JADE1: variants seen among roughly 807,000 people sequenced by gnomAD.
The protein encoded by JADE1 is protein Jade-1.
JADE1 carries 14 observed loss-of-function variants against 81.8 expected under a neutral mutation model. The ratio of observed to expected loss-of-function variants is 0.17; its 90% CI spans 0.11 to 0.27. The LOEUF is 0.27. JADE1 is among the 10% of genes least tolerant of loss of function. The pLI, the probability that JADE1 is intolerant of heterozygous loss-of-function variation, is 1.00. For missense variants in JADE1, 690 were observed against 1,047.9 expected (o/e 0.66, Z 4.71); for synonymous variants, 353 against 391.9 (o/e 0.90, Z 1.17).
Position 128,838,482 on chromosome 4 carries a change from G to A in JADE1, c.53-4471G>A, listed in dbSNP as rs187540552. Among the ~76,000 whole-genome samples the A allele has an allele frequency of 5.5e-4, 83 of 152,258 alleles. No homozygotes were observed. In the East Asian group the frequency reaches 9.3e-3, roughly 17 times the overall value. On this transcript the variant is annotated intron_variant, in intron 2 of 10. Transcript: ENST00000226319. ...TAAAACAAAATTTTACTCGTCATGT[G>A]CTTAAATTAGTTTGTCATTAAATAT...
chr4:128,831,400 T>G, intron 1 of JADE1: 1 of 297,560 alleles, frequency 3.4e-6, no homozygotes, highest in Non-Finnish European at 6.5e-6. Flanking sequence ...TTCATTGCTG[T>G]GGATTTTTTT....
chr4:128,843,041 A>G lies in JADE1; in HGVS notation c.138+3A>G, dbSNP rs775631967. The G allele has an allele frequency of 1.2e-6, 2 of 1,611,802 alleles. No homozygotes were observed. Among genetic ancestry groups the G allele is most frequent in the South Asian group, 2.2e-5 (2 of 91,026 alleles). The stretch of plus-strand genomic sequence containing the variant: ...ATGAAGATCGAAAGCCTTCAGAGGT[A>G]CTTCTTGAATGCTTGCCTGACCGTG... On this transcript the variant is annotated splice_donor_region_variant and intron_variant, in intron 3 of 10. Transcript: ENST00000226319.
chr4:128,868,589 C>T (rs1318532363), intron 10 of JADE1, among the ~76,000 whole-genome samples: 1 of 152,188 alleles, frequency 6.6e-6, no homozygotes, highest in East Asian at 1.9e-4. Context: ...ACTTCCTCTA[C>T]TCTGGACAAC....
rs956301877 is a variant in JADE1 at position 128,850,999 on chromosome 4, C to T, written c.485-1058C>T. ...ATGCTGGAGTGCAGGGGTGCAATCT[C>T]GGCTGACTGCAACCTCTACCTCCTG... On this transcript the variant is annotated intron_variant, in intron 5 of 10. Coordinates refer to ENST00000226319, the MANE Select transcript of JADE1 (RefSeq NM_199320.4). Among the ~76,000 whole-genome samples the T allele has an allele frequency of 1.2e-4, 19 of 152,108 alleles. No individual in the cohort carries two copies. In the East Asian group the frequency reaches 1.9e-3, roughly 15 times the overall value.
intron 1 of JADE1, among the ~76,000 whole-genome samples, chr4:128,813,040 C>T (rs1726623831): frequency 6.6e-6 from 1 of 152,230 alleles, no homozygotes; most frequent in Admixed American, 6.5e-5. Flanking sequence ...CTACTTGTAG[C>T]TCAAGGCTAA....
At chr4:128,869,067 A>G (rs1286345813) in intron 10 of JADE1, among the ~76,000 whole-genome samples, 2 of 152,212 alleles carry the variant, frequency 1.3e-5, no homozygotes, top group Admixed American at 6.5e-5. Context: ...CTAACCAATT[A>G]TGTGCGACTA....
intron 2 of JADE1, among the ~76,000 whole-genome samples, chr4:128,834,682 C>T (rs55829553): frequency 0.47 from 71,744 of 151,424 alleles, 20,327 homozygotes; most frequent in South Asian, 0.62. Context: ...TACAGGTGTC[C>T]GCCACTGCAC....
At chr4:128,855,556 A>G in intron 6 of JADE1, 74 bp from the exon 7 acceptor site, 4 of 1,384,048 alleles carry the variant, frequency 2.9e-6, no homozygotes, top group Non-Finnish European at 3.9e-6. Flanking sequence ...AGTGTTTAAA[A>G]TGAATAGATA....
At chr4:128,851,211 C>T (rs1010484195) in intron 5 of JADE1, among the ~76,000 whole-genome samples, 10 of 152,294 alleles carry the variant, frequency 6.6e-5, no homozygotes, top group African/African-American at 9.6e-5. Context: ...TGAGCCATCG[C>T]GCCTGGTGTT....
At chr4:128,817,891 T>C (rs1274935840) in intron 1 of JADE1, among the ~76,000 whole-genome samples, 1 of 152,222 alleles carries the variant, frequency 6.6e-6, no homozygotes, top group Non-Finnish European at 1.5e-5. Flanking sequence ...ACTGTTACCA[T>C]GTATTGTAGT....
At chr4:128,868,466 T>C (rs1731946762) in intron 10 of JADE1, among the ~76,000 whole-genome samples, 1 of 152,220 alleles carries the variant, frequency 6.6e-6, no homozygotes, top group African/African-American at 2.4e-5. Flanking sequence ...AGATTTTTTT[T>C]GTGTAGATGG....
Position 128,873,273 on chromosome 4 carries a change from G to GAAAAAAAAAAAAAAAAAAAA in JADE1, c.*1018_*1019insAAAAAAAAAAAAAAAAAAAA, listed in dbSNP as rs1553953485. 9 of 78,674 alleles carry GAAAAAAAAAAAAAAAAAAAA rather than the reference G, an allele frequency of 1.1e-4. No individual in the cohort carries two copies. Among genetic ancestry groups the GAAAAAAAAAAAAAAAAAAAA allele is most frequent in the South Asian group, 4.4e-4 (1 of 2,298 alleles). The allele number at this position is 78,674 out of a possible 1,614,324, so 4.9% of individuals were successfully genotyped here. A position where few individuals can be genotyped will look rare whatever the true frequency, so the allele number is the denominator to read the frequency against. The stretch of plus-strand genomic sequence containing the variant: ...AGAAAAAGGAAAAAAAAAAAAAAAA[G>GAAAAAAAAAAAAAAAAAAAA]AAAAAAAGAAAAAAAAAAGAAAAAA... On this transcript the variant is annotated 3_prime_UTR_variant, in exon 11 of 11. Transcript: ENST00000226319.
At chr4:128,845,462 G>A (rs935945487) in intron 3 of JADE1, among the ~76,000 whole-genome samples, 5 of 152,170 alleles carry the variant, frequency 3.3e-5, no homozygotes, top group Admixed American at 1.3e-4. Flanking sequence ...GTGAAGGTGT[G>A]CAAACATGTT....
chr4:128,855,928 T>C (rs1730757601), intron 7 of JADE1, 131 bp downstream of exon 7: 1 of 668,594 alleles, frequency 1.5e-6, no homozygotes, highest in South Asian at 2.9e-5. Context: ...CAAGTGATCC[T>C]CCCACCTCAG....
At chr4:128,859,308 G>A (rs1030362680) in intron 8 of JADE1, among the ~76,000 whole-genome samples, 2 of 151,910 alleles carry the variant, frequency 1.3e-5, no homozygotes, top group Non-Finnish European at 2.9e-5. Context: ...GTATGCATGT[G>A]TATTTGGTTA....
intron 1 of JADE1, chr4:128,810,463 T>C (rs890632169): frequency 6.6e-6 from 1 of 150,488 alleles, no homozygotes; most frequent in South Asian, 2.1e-4. Context: ...TTTTTTTTTT[T>C]TTTTTTTTTT....
chr4:128,824,547 AG>A (rs1339281471), intron 1 of JADE1, among the ~76,000 whole-genome samples: 1 of 152,234 alleles, frequency 6.6e-6, no homozygotes, highest in African/African-American at 2.4e-5. Context: ...ACAGAATGGA[AG>A]GGCATCAATA....
At chr4:128,810,995 C>T (rs761419145) in intron 1 of JADE1, among the ~76,000 whole-genome samples, 1 of 152,136 alleles carries the variant, frequency 6.6e-6, no homozygotes, top group Non-Finnish European at 1.5e-5. Context: ...CTTAAATGAA[C>T]GTGTAGTGTG....
At chr4:128,860,470 G>C (rs1019297569) in intron 8 of JADE1, among the ~76,000 whole-genome samples, 4 of 152,192 alleles carry the variant, frequency 2.6e-5, no homozygotes, top group African/African-American at 9.6e-5. Flanking sequence ...CATCCTTGGT[G>C]ATGTGATTCA....
Sources: allele counts gnomAD v4.1 joint callset (sites outside exome capture counted in the v4.1 genomes callset), GRCh38; gene constraint gnomAD v4.1.1; transcripts MANE v1.5; gene names NCBI Gene and HGNC (gene_info 2026-07-23, HGNC 2026-07-21).